The following DYNC2H1 variants were observed in gnomAD, a reference collection of about 807,000 sequenced individuals.
DYNC2H1 encodes the protein cytoplasmic dynein 2 heavy chain 1.
In DYNC2H1, 410 loss-of-function variants were observed where a neutral mutation model predicts 570.0. The observed-to-expected ratio is 0.72, with a 90% confidence interval of 0.66 to 0.78. The LOEUF (loss-of-function observed/expected upper bound fraction) is 0.78. Ranked by LOEUF, DYNC2H1 falls within the 30% of genes least tolerant of loss-of-function variation. The pLI, the probability that DYNC2H1 is intolerant of heterozygous loss-of-function variation, is 0.00. For synonymous variants in DYNC2H1, 1,688 were observed against 1,677.6 expected (o/e 1.01, Z -0.15); for missense variants, 4,865 against 5,046.4 (o/e 0.96, Z 1.09).
rs972369054 is a variant in DYNC2H1, at chr11:103,463,473, G to A, written c.12649-5116G>A. 2.0e-5 allele frequency among the ~76,000 whole-genome samples: 3 copies of A among 152,138 alleles called. No individual in the cohort carries two copies. In the East Asian group the frequency reaches 5.8e-4, roughly 29 times the overall value. ...GACTGAATAAAGCTGTTGCAGGCCT[G>A]GAGCAGTGGCTCATGCCTGTAATCC... On this transcript the variant is annotated intron_variant, in intron 87 of 88. Coordinates refer to ENST00000375735, the MANE Select transcript of DYNC2H1 (RefSeq NM_001377.3).
chr11:103,185,904 T>A lies in DYNC2H1; in HGVS notation c.6634-338T>A, dbSNP rs1182776649. Among the ~76,000 whole-genome samples, 1 of 151,966 alleles carries A rather than the reference T, an allele frequency of 6.6e-6. No individual in the cohort carries two copies. Among genetic ancestry groups the A allele is most frequent in the Non-Finnish European group, 1.5e-5 (1 of 67,926 alleles). ...CACTGTGATGGACAGTACCAGGATA[T>A]GGCAGAAATGAAGGGCTTTAGGATT... On this transcript the variant is annotated intron_variant, in intron 41 of 88. Coordinates refer to ENST00000375735, the MANE Select transcript of DYNC2H1 (RefSeq NM_001377.3). This position sits in a 1 kb window ranked among gnomAD's most constrained non-coding sequence, Gnocchi z 4.5.
chr11:103,327,084 G>A (rs1266378813), intron 82 of DYNC2H1, among the ~76,000 whole-genome samples: 1 of 152,064 alleles, frequency 6.6e-6, no homozygotes, highest in Non-Finnish European at 1.5e-5. Context: ...TTGGGGCCGG[G>A]AACAGCCCCG....
At chr11:103,234,288 A>G (rs1864137625) in intron 61 of DYNC2H1, 128 bp downstream of exon 61, 1 of 1,106,278 alleles carries the variant, frequency 9.0e-7, no homozygotes, top group Non-Finnish European at 1.2e-6. Flanking sequence ...AATAATCTGG[A>G]TATAAATGGC....
rs1279841037 is a variant in DYNC2H1, at chr11:103,245,795, A to G, written c.10042+421A>G. 6.6e-6 allele frequency among the ~76,000 whole-genome samples: 1 copy of G among 152,100 alleles called. No individual in the cohort carries two copies. The highest frequency in any genetic ancestry group is 1.5e-5 in the Non-Finnish European group (1 of 67,990). The stretch of plus-strand genomic sequence containing the variant: ...GCCAACTTTACAAGTAGCCCTTTCT[A>G]AAGAGTCTCAGGATTGCTATGTTAA... On this transcript the variant is annotated intron_variant, in intron 65 of 88. Transcript: ENST00000375735. The surrounding 1 kb of genome is among the most constrained non-coding windows in gnomAD (Gnocchi z 4.5).
At chr11:103,306,383 A>G (rs891373655) in intron 77 of DYNC2H1, among the ~76,000 whole-genome samples, 2 of 152,176 alleles carry the variant, frequency 1.3e-5, no homozygotes, top group African/African-American at 2.4e-5. Flanking sequence ...ATAATATTAT[A>G]TAATTTTTAA....
chr11:103,274,768 G>T (rs1385984488), intron 70 of DYNC2H1, among the ~76,000 whole-genome samples: 1 of 152,116 alleles, frequency 6.6e-6, no homozygotes, highest in African/African-American at 2.4e-5. Context: ...ATGGCCAATT[G>T]CTTAGATCTG....
intron 61 of DYNC2H1, among the ~76,000 whole-genome samples, chr11:103,235,273 G>T (rs1412175374): frequency 6.6e-6 from 1 of 151,672 alleles, no homozygotes; most frequent in East Asian, 1.9e-4. Context: ...GCTGAATCTT[G>T]TGCTTTATTT....
At position 103,305,291 on chromosome 11, in the gene DYNC2H1, G is replaced by T. The variant is rs1456629160; in HGVS notation, c.11382+571G>T. Among the ~76,000 whole-genome samples, 1 of 152,118 alleles carries T rather than the reference G, an allele frequency of 6.6e-6. No individual in the cohort carries two copies. Reference sequence around the variant, plus strand: ...GAGATATTCCTTGAAAGTCAAATAGGATTTTGCTAAGTATAGGCAAAGAAA... The same window carrying T: ...GAGATATTCCTTGAAAGTCAAATAGTATTTTGCTAAGTATAGGCAAAGAAA... On this transcript the variant is annotated intron_variant, in intron 77 of 88. Coordinates refer to ENST00000375735, the MANE Select transcript of DYNC2H1 (RefSeq NM_001377.3). The surrounding 1 kb of genome is among the most constrained non-coding windows in gnomAD (Gnocchi z 4.3).
In DYNC2H1 at chr11:103,244,644, CTATA is replaced by C. The variant is rs954989082; in HGVS notation, c.9919-604_9919-601del. ...CTACATATAAGTATACTATATATCT[CTATA>C]TAGTTATATACATTATAAGTACTAT... On this transcript the variant is annotated intron_variant, in intron 64 of 88. Coordinates refer to ENST00000375735, the MANE Select transcript of DYNC2H1 (RefSeq NM_001377.3). This position sits in a 1 kb window ranked among gnomAD's most constrained non-coding sequence, Gnocchi z 4.3. Among the ~76,000 whole-genome samples the C allele has an allele frequency of 1.1e-4, 17 of 147,918 alleles. No homozygotes were observed. Among genetic ancestry groups the C allele is most frequent in the African/African-American group, 3.2e-4 (13 of 40,748 alleles).
At chr11:103,167,779 T>G (rs1226410042) in intron 31 of DYNC2H1, among the ~76,000 whole-genome samples, 1 of 152,206 alleles carries the variant, frequency 6.6e-6, no homozygotes, top group African/African-American at 2.4e-5. Flanking sequence ...TATTTTTGTT[T>G]TAGTAACTGA....
chr11:103,399,692 T>G lies in DYNC2H1; in HGVS notation c.12186T>G (p.Pro4062=), dbSNP rs1350237198. ...CAAACCTAATACATCAGAAAGTGCC[T>G]CCTCCTAACGATCGACAAGGATCTC... is the stretch of plus-strand genomic sequence containing the variant. ...QNSNLIHQKV[P]PPNDRQGSPI... is the part of the protein sequence containing the mutation. Residue 4062 remains proline (P), a synonymous_variant, in exon 84 of 89, where the codon CCT becomes CCG. Transcript: ENST00000375735. The G allele has an allele frequency of 1.2e-6, 2 of 1,613,158 alleles. No individual in the cohort carries two copies. Among genetic ancestry groups the G allele is most frequent in the Non-Finnish European group, 1.7e-6 (2 of 1,179,564 alleles).
Position 103,177,572 on chromosome 11 carries a change from A to C in DYNC2H1, c.5891A>C (p.Glu1964Ala). 6.2e-7 allele frequency: 1 copy of C among 1,608,814 alleles called. No individual in the cohort carries two copies. The highest frequency in any genetic ancestry group is 8.5e-7 in the Non-Finnish European group (1 of 1,178,488). ...IIPNQIKKAL[E>A]LYEQLCQRMG... is the part of the protein sequence containing the mutation. ...TCCTACTAGATCAAAAAGGCTTTAG[A>C]ATTGTATGAACAGTTATGCCAGAGG... The change falls in exon 38 of 89, where the codon GAA becomes GCA. Residue 1964 changes from glutamate to alanine, a missense_variant. Coordinates refer to ENST00000375735, the MANE Select transcript of DYNC2H1 (RefSeq NM_001377.3). This position sits in a 1 kb window ranked among gnomAD's most constrained non-coding sequence, Gnocchi z 4.4.
Position 103,152,161 on chromosome 11 carries a change from A to C in DYNC2H1, c.2972A>C (p.Glu991Ala), listed in dbSNP as rs1285942779. The C allele has an allele frequency of 7.5e-6, 12 of 1,606,200 alleles. No individual in the cohort carries two copies. The highest frequency in any genetic ancestry group is 1.0e-5 in the Non-Finnish European group (12 of 1,177,394). The change falls in exon 21 of 89, where the codon GAA becomes GCA. Residue 991 changes from glutamate (E) to alanine (A), a missense_variant. By Grantham distance (107) the Glu-to-Ala change is moderately radical. Transcript: ENST00000375735. The stretch of plus-strand genomic sequence containing the variant: ...ATTTTGCCCTTATTTCAAGAAGCTG[A>C]AGACAAAAACAGACTTTTACGAACT... ...PEILPLFQEA[E>A]DKNRLLRTVA...
intron 82 of DYNC2H1, among the ~76,000 whole-genome samples, chr11:103,341,683 A>G (rs2135486271): frequency 6.6e-6 from 1 of 152,298 alleles, no homozygotes; most frequent in East Asian, 1.9e-4. Flanking sequence ...TCAAATCTGT[A>G]TATCTGATTC....
chr11:103,199,214 G>A lies in DYNC2H1; in HGVS notation c.7840-14G>A, dbSNP rs1434110281. The A allele has an allele frequency of 6.8e-7, 1 of 1,466,070 alleles. No homozygotes were observed. The highest frequency in any genetic ancestry group is 2.5e-5 in the East Asian group (1 of 40,402). 90.8% of individuals were successfully genotyped at this position (1,466,070 alleles called of 1,614,324 possible). A position where few individuals can be genotyped will look rare whatever the true frequency, so the allele number is the denominator to read the frequency against. On this transcript the variant is annotated splice_polypyrimidine_tract_variant and intron_variant, in intron 48 of 88. Transcript: ENST00000375735. The surrounding 1 kb of genome is among the most constrained non-coding windows in gnomAD (Gnocchi z 4.6). The stretch of plus-strand genomic sequence containing the variant: ...GCTTATATTAATTATAAAATATTCT[G>A]ATTTTTTTAAAAGGGTCTTATTCAT...
At chr11:103,232,524 T>C (rs602018) in intron 60 of DYNC2H1, among the ~76,000 whole-genome samples, 114,771 of 151,796 alleles carry the variant, frequency 0.76, 43,930 homozygotes, top group Admixed American at 0.83. Flanking sequence ...GAGTCATTGT[T>C]GAGAATGAAT....
chr11:103,468,156 G>GT (rs1171957078), intron 87 of DYNC2H1, among the ~76,000 whole-genome samples: 2 of 151,802 alleles, frequency 1.3e-5, no homozygotes, highest in Admixed American at 6.6e-5. Flanking sequence ...ATCACATGTC[G>GT]TTTTTTTCAT....
rs750771944 is a variant in DYNC2H1 at position 103,114,613 on chromosome 11, TCACTGTAAA to T, written c.502+390_502+398del. Among the ~76,000 whole-genome samples the T allele has an allele frequency of 6.6e-5, 10 of 152,192 alleles. No individual in the cohort carries two copies. In the East Asian group the frequency reaches 9.6e-4, roughly 15 times the overall value. ...GAGGCAGTAGTTGTGTTCTATAAAG[TCACTGTAAA>T]CACTGTAAACACTGAATTAGTGAAT... On this transcript the variant is annotated intron_variant, in intron 3 of 88. Transcript: ENST00000375735.
intron 58 of DYNC2H1, 94 bp downstream of exon 58, chr11:103,222,247 A>G: frequency 1.1e-6 from 1 of 871,986 alleles, no homozygotes; most frequent in Non-Finnish European, 1.6e-6. Context: ...AACTGTTTAG[A>G]TCACCTAAAA....
Sources: gnomAD v4.1 joint callset for allele counts (sites outside exome capture counted in the v4.1 genomes callset) on GRCh38, gnomAD v4.1.1 for gene constraint, Gnocchi (gnomAD v3.1) non-coding constraint, MANE v1.5 for transcripts, NCBI Gene and HGNC (gene_info 2026-07-23, HGNC 2026-07-21) for gene names.